Variants in PRKN observed in about 807,000 individuals in gnomAD.
PRKN encodes E3 ubiquitin-protein ligase parkin.
In PRKN, 56 loss-of-function variants were observed where a neutral mutation model predicts 59.5. That is an observed-to-expected ratio of 0.94 (90% CI 0.76 to 1.18). PRKN has a LOEUF of 1.18. Ranked by LOEUF, PRKN falls within the 50% of genes most tolerant of loss-of-function variation. The probability of loss-of-function intolerance (pLI) is 0.00; values close to 1 mark genes in which losing one functional copy is unlikely to be tolerated. For synonymous variants in PRKN, 250 were observed against 222.1 expected (o/e 1.13, Z -1.12); for missense variants, 657 against 596.4 (o/e 1.10, Z -1.06).
intron 6 of PRKN, among the ~76,000 whole-genome samples, chr6:161,906,659 C>CATATATATATATCTATATATAT (rs1778155169): frequency 8.6e-6 from 1 of 116,588 alleles, no homozygotes; most frequent in Non-Finnish European, 1.8e-5. Flanking sequence ...ATAGAACATA[C>CATATATATATATCTATATATAT]ATATATATAT....
intron 6 of PRKN, among the ~76,000 whole-genome samples, chr6:161,949,276 C>A (rs1260319990): frequency 6.6e-5 from 10 of 152,210 alleles, no homozygotes; most frequent in Non-Finnish European, 1.2e-4. Context: ...CTTTGGGAGG[C>A]CGAGGCGGGT....
intron 6 of PRKN, among the ~76,000 whole-genome samples, chr6:161,808,309 C>T (rs763054661): frequency 7.2e-5 from 11 of 152,048 alleles, no homozygotes; most frequent in Non-Finnish European, 1.6e-4. Context: ...AATTGGAAAA[C>T]AGCTGGTAAC....
Position 161,428,715 on chromosome 6 carries a change from C to T in PRKN, c.1084-41838G>A, listed in dbSNP as rs1310569499. Among the ~76,000 whole-genome samples, 1 of 152,172 alleles carries T rather than the reference C, an allele frequency of 6.6e-6. No individual in the cohort carries two copies. Among genetic ancestry groups the T allele is most frequent in the Non-Finnish European group, 1.5e-5 (1 of 68,038 alleles). Reference sequence around the variant, plus strand: ...AGCTCACAACCAAAAAAAGCACATTCACATTTTTTTTCTTTCATTTTTCTG... The same window carrying T: ...AGCTCACAACCAAAAAAAGCACATTTACATTTTTTTTCTTTCATTTTTCTG... On this transcript the variant is annotated intron_variant, in intron 9 of 11. Transcript: ENST00000366898. The surrounding 1 kb of genome is among the most constrained non-coding windows in gnomAD (Gnocchi z 4.0).
intron 9 of PRKN, among the ~76,000 whole-genome samples, chr6:161,450,746 A>G (rs139883112): frequency 0.019 from 2,847 of 152,128 alleles, 33 homozygotes; most frequent in Non-Finnish European, 0.029. Flanking sequence ...TAGTAGAGAC[A>G]GGGTTTCACT....
chr6:161,743,181 A>G (rs559765788), intron 7 of PRKN, among the ~76,000 whole-genome samples: 20 of 139,900 alleles, frequency 1.4e-4, no homozygotes, highest in African/African-American at 4.5e-4. Context: ...GGCACTCCCA[A>G]CCTCTCCTTG....
At chr6:162,541,973 C>G (rs779371200) in intron 1 of PRKN, among the ~76,000 whole-genome samples, 2 of 152,012 alleles carry the variant, frequency 1.3e-5, no homozygotes, top group Non-Finnish European at 2.9e-5. Flanking sequence ...GATTCCTGTG[C>G]CCTTGGGTTG....
chr6:161,663,013 A>G (rs1784602628), intron 7 of PRKN, among the ~76,000 whole-genome samples: 1 of 152,162 alleles, frequency 6.6e-6, no homozygotes, highest in Non-Finnish European at 1.5e-5. Context: ...TGCTGTTGTC[A>G]TGATAATGAA....
chr6:162,002,176 G>A (rs548076982), intron 5 of PRKN, among the ~76,000 whole-genome samples: 1 of 152,004 alleles, frequency 6.6e-6, no homozygotes, highest in East Asian at 1.9e-4. Flanking sequence ...CTTCATAGAG[G>A]GAATTAGAAA....
intron 5 of PRKN, among the ~76,000 whole-genome samples, chr6:162,049,434 C>T (rs1777534933): frequency 6.6e-6 from 1 of 152,162 alleles, no homozygotes. Flanking sequence ...TGAGCTCACA[C>T]TGAACACTTA....
chr6:161,636,572 C>T (rs76262181), intron 7 of PRKN, among the ~76,000 whole-genome samples: 85 of 152,216 alleles, frequency 5.6e-4, no homozygotes, highest in African/African-American at 1.8e-3. Context: ...CTATTTGCAA[C>T]GAAAGAGCCA....
At position 161,497,292 on chromosome 6, in the gene PRKN, C is replaced by T. The variant is rs59914146; in HGVS notation, c.1083+51562G>A. On this transcript the variant is annotated intron_variant, in intron 9 of 11. Transcript: ENST00000366898. The surrounding 1 kb of genome is among the most constrained non-coding windows in gnomAD (Gnocchi z 4.6). ...CTTAGGACAACTTCCCAGGTAAGGG[C>T]GAGTGGAGGACAGGGTGTCCCCACT... Among the ~76,000 whole-genome samples the T allele has an allele frequency of 0.11, 17,034 of 152,156 alleles. 1,489 individuals carry two copies. Among genetic ancestry groups the T allele is most frequent in the African/African-American group, 0.25 (10,289 of 41,494 alleles).
At chr6:162,620,093 T>C (rs1156634201) in intron 1 of PRKN, among the ~76,000 whole-genome samples, 1 of 152,136 alleles carries the variant, frequency 6.6e-6, no homozygotes, top group South Asian at 2.1e-4. Context: ...TTGTCTTCTA[T>C]GGAAGATAAA....
At position 161,386,780 on chromosome 6, in the gene PRKN, A is replaced by G. The variant is rs1786272366; in HGVS notation, c.1167+14T>C. The G allele has an allele frequency of 1.9e-6, 3 of 1,589,128 alleles. No homozygotes were observed. Among genetic ancestry groups the G allele is most frequent in the South Asian group, 2.2e-5 (2 of 90,492 alleles). ...CGGAGCCCTGCTTGGAGGAATGAGT[A>G]GGGCATTCTGTACCTGAGTAGTTGT... is the stretch of plus-strand genomic sequence containing the variant. On this transcript the variant is annotated intron_variant, in intron 10 of 11. Transcript: ENST00000366898. This position sits in a 1 kb window ranked among gnomAD's most constrained non-coding sequence, Gnocchi z 4.3.
chr6:161,683,252 C>T (rs1785437211), intron 7 of PRKN, among the ~76,000 whole-genome samples: 1 of 152,138 alleles, frequency 6.6e-6, no homozygotes. Flanking sequence ...GGGATGCTGA[C>T]AGCAGCCCAC....
At chr6:161,914,385 T>C (rs1187122396) in intron 6 of PRKN, among the ~76,000 whole-genome samples, 1 of 152,194 alleles carries the variant, frequency 6.6e-6, no homozygotes. Flanking sequence ...TGCATACTTC[T>C]ATATTATATT....
In PRKN at chr6:162,036,316, C is replaced by G. The variant is rs566330182; in HGVS notation, c.618+17775G>C. ...TCCAGCCTGGGCAACAGAGCGAGACCCCGTCTCAAAACAAAACAAAACAAA... is the reference window on the plus strand; with the variant it reads ...TCCAGCCTGGGCAACAGAGCGAGACGCCGTCTCAAAACAAAACAAAACAAA... On this transcript the variant is annotated intron_variant, in intron 5 of 11. Transcript: ENST00000366898. 4.4e-3 allele frequency among the ~76,000 whole-genome samples: 668 copies of G among 151,660 alleles called. 2 individuals carry two copies. Among genetic ancestry groups the G allele is most frequent in the African/African-American group, 0.016 (642 of 41,382 alleles).
At chr6:161,583,139 T>C (rs774042988) in intron 7 of PRKN, among the ~76,000 whole-genome samples, 6 of 152,246 alleles carry the variant, frequency 3.9e-5, no homozygotes, top group Admixed American at 6.5e-5. Context: ...TTTTTCTGTT[T>C]GACTTTCATG....
At position 161,413,082 on chromosome 6, in the gene PRKN, A is replaced by C. The variant is rs1787663663; in HGVS notation, c.1084-26205T>G. On this transcript the variant is annotated intron_variant, in intron 9 of 11. Transcript: ENST00000366898. The surrounding 1 kb of genome is among the most constrained non-coding windows in gnomAD (Gnocchi z 4.4). Reference sequence around the variant, plus strand: ...TGAGCTTTATTCTGGCAGCAAATTCAGCTCCTTTGGAAATTATATTACCTT... The same window carrying C: ...TGAGCTTTATTCTGGCAGCAAATTCCGCTCCTTTGGAAATTATATTACCTT... 6.6e-6 allele frequency among the ~76,000 whole-genome samples: 1 copy of C among 152,216 alleles called. No individual in the cohort carries two copies. The highest frequency in any genetic ancestry group is 2.4e-5 in the African/African-American group (1 of 41,436).
chr6:161,432,144 T>C (rs894164853), intron 9 of PRKN, among the ~76,000 whole-genome samples: 1 of 152,214 alleles, frequency 6.6e-6, no homozygotes, highest in African/African-American at 2.4e-5. Context: ...ATAATATTCC[T>C]TTATTACAAA....
Sources: allele counts gnomAD v4.1 joint callset (sites outside exome capture counted in the v4.1 genomes callset), GRCh38; gene constraint gnomAD v4.1.1; non-coding constraint Gnocchi (gnomAD v3.1); transcripts MANE v1.5; gene names NCBI Gene and HGNC (gene_info 2026-07-23, HGNC 2026-07-21).